NAV2: variants seen among roughly 807,000 people sequenced by gnomAD.
NAV2 encodes the protein neuron navigator 2.
NAV2 carries 54 observed loss-of-function variants against 223.2 expected under a neutral mutation model. The ratio of observed to expected loss-of-function variants is 0.24; its 90% CI spans 0.19 to 0.30. The LOEUF (loss-of-function observed/expected upper bound fraction) is 0.30. Ranked by LOEUF, NAV2 falls within the 10% of genes least tolerant of loss-of-function variation. NAV2 has a pLI of 1.00. For synonymous variants in NAV2, 1,279 were observed against 1,239.3 expected (o/e 1.03, Z -0.67); for missense variants, 2,806 against 3,147.5 (o/e 0.89, Z 2.60).
Position 19,933,038 on chromosome 11 carries a change from A to G in NAV2, c.932-138A>G. 1 of 1,071,368 alleles carries G rather than the reference A, an allele frequency of 9.3e-7. No homozygotes were observed. Among genetic ancestry groups the G allele is most frequent in the Non-Finnish European group, 1.3e-6 (1 of 784,444 alleles). The allele number at this position is 1,071,368 out of a possible 1,614,324, so 66.4% of individuals were successfully genotyped here. A position where few individuals can be genotyped will look rare whatever the true frequency, so the allele number is the denominator to read the frequency against. On this transcript the variant is annotated intron_variant, in intron 6 of 37. Transcript: ENST00000349880. The surrounding 1 kb of genome is among the most constrained non-coding windows in gnomAD (Gnocchi z 4.3). Reference sequence around the variant, plus strand: ...GCCAGAAATTAAAACCTAACCACAGATAATCCACAAAGTGGGCAATGGAGC... The same window carrying G: ...GCCAGAAATTAAAACCTAACCACAGGTAATCCACAAAGTGGGCAATGGAGC...
chr11:19,792,364 G>A (rs540938717), intron 1 of NAV2, among the ~76,000 whole-genome samples: 98 of 152,278 alleles, frequency 6.4e-4, no homozygotes, highest in African/African-American at 2.2e-3. Context: ...CCTGCCCTCC[G>A]AAGGATTTGG....
intron 5 of NAV2, chr11:19,884,342 G>A: frequency 6.2e-7 from 1 of 1,613,920 alleles, no homozygotes; most frequent in Non-Finnish European, 8.5e-7. Context: ...GCTTCACTCT[G>A]GGTCAGAAAA....
At chr11:19,487,037 G>C (rs2042466838) in intron 1 of NAV2, among the ~76,000 whole-genome samples, 1 of 152,148 alleles carries the variant, frequency 6.6e-6, no homozygotes, top group African/African-American at 2.4e-5. Flanking sequence ...TGGGGCTAAA[G>C]ACCAAAGAAT....
chr11:19,671,975 CA>C (rs1240804956), intron 1 of NAV2, among the ~76,000 whole-genome samples: 57 of 152,314 alleles, frequency 3.7e-4, no homozygotes, highest in African/African-American at 1.3e-3. Context: ...GAGACATTCA[CA>C]GACAGGCCAT....
In NAV2 at chr11:19,735,675, G is replaced by A. The variant is rs11025227; in HGVS notation, c.267+21713G>A. Among the ~76,000 whole-genome samples, 25 of 152,328 alleles carry A rather than the reference G, an allele frequency of 1.6e-4. No individual in the cohort carries two copies. In the East Asian group the frequency reaches 4.8e-3, roughly 29 times the overall value. ...TTTGAAACCATTCCTCCTGCATGAT[G>A]CATGAAATTTTAATAACCTGCCGAC... On this transcript the variant is annotated intron_variant, in intron 1 of 37. Transcript: ENST00000349880.
intron 1 of NAV2, among the ~76,000 whole-genome samples, chr11:19,751,145 C>T (rs2053776015): frequency 6.6e-6 from 1 of 152,164 alleles, no homozygotes; most frequent in South Asian, 2.1e-4. Flanking sequence ...ATCCCCTTTC[C>T]TCCCAAAGAA....
intron 27 of NAV2, 109 bp downstream of exon 27, chr11:20,091,127 C>A: frequency 8.5e-7 from 1 of 1,178,096 alleles, no homozygotes. Flanking sequence ...TGGCGGCCCT[C>A]GCTTTCCCAG....
At chr11:19,519,640 G>C (rs1443533226) in intron 1 of NAV2, 1 of 152,258 alleles carries the variant, frequency 6.6e-6, no homozygotes, top group African/African-American at 2.4e-5. Flanking sequence ...CAGGAAGGCT[G>C]CCCCTGCCTT....
At chr11:19,674,155 T>C (rs527361850) in intron 1 of NAV2, among the ~76,000 whole-genome samples, 1 of 152,338 alleles carries the variant, frequency 6.6e-6, no homozygotes, top group East Asian at 1.9e-4. Context: ...TCTCTCCTGC[T>C]GGCCCCAACT....
chr11:19,893,142 A>AT (rs5790098), intron 6 of NAV2, among the ~76,000 whole-genome samples: 9 of 146,994 alleles, frequency 6.1e-5, no homozygotes, highest in African/African-American at 1.5e-4. Context: ...AAGGATATGG[A>AT]TTTTTTTTTT....
intron 1 of NAV2, among the ~76,000 whole-genome samples, chr11:19,782,427 A>T (rs2152685213): frequency 6.6e-6 from 1 of 152,326 alleles, no homozygotes; most frequent in Non-Finnish European, 1.5e-5. Flanking sequence ...TTTTGTGTTA[A>T]TAGAGAAGTA....
intron 1 of NAV2, among the ~76,000 whole-genome samples, chr11:19,685,918 G>A (rs1303830305): frequency 6.6e-6 from 1 of 152,134 alleles, no homozygotes; most frequent in East Asian, 1.9e-4. Flanking sequence ...TTTTCTAAAA[G>A]GCAAATCTCA....
chr11:20,011,976 A>G (rs750694860), intron 11 of NAV2, among the ~76,000 whole-genome samples: 1 of 152,206 alleles, frequency 6.6e-6, no homozygotes, highest in Non-Finnish European at 1.5e-5. Context: ...TATAATTCTG[A>G]CATTTGTGTG....
intron 6 of NAV2, among the ~76,000 whole-genome samples, chr11:19,911,046 T>TTC (rs2043269759): frequency 6.6e-6 from 1 of 151,704 alleles, no homozygotes; most frequent in African/African-American, 2.4e-5. Flanking sequence ...TTTTTTTTTT[T>TTC]TTTTGGTCTT....
At chr11:19,543,012 A>G (rs903295810) in intron 1 of NAV2, among the ~76,000 whole-genome samples, 1 of 152,240 alleles carries the variant, frequency 6.6e-6, no homozygotes, top group African/African-American at 2.4e-5. Flanking sequence ...CAATCACCTA[A>G]GTGTGAGAAC....
upstream of NAV2, among the ~76,000 whole-genome samples, chr11:19,346,076 C>T (rs1290908384): frequency 6.6e-6 from 1 of 152,028 alleles, no homozygotes; most frequent in Non-Finnish European, 1.5e-5. Context: ...TCTATGAGCG[C>T]GTGTGTTTTC....
intron 1 of NAV2, among the ~76,000 whole-genome samples, chr11:19,655,542 C>G (rs888536353): frequency 6.6e-6 from 1 of 152,012 alleles, no homozygotes. Context: ...CACATATACA[C>G]CATGGAATAC....
At chr11:19,999,795 G>A (rs2052362851) in intron 11 of NAV2, among the ~76,000 whole-genome samples, 2 of 152,208 alleles carry the variant, frequency 1.3e-5, no homozygotes, top group Admixed American at 1.3e-4. Flanking sequence ...AAGATTAAAT[G>A]AGACAGTGCC....
At chr11:19,760,269 C>A (rs548028550) in intron 1 of NAV2, among the ~76,000 whole-genome samples, 4 of 152,310 alleles carry the variant, frequency 2.6e-5, no homozygotes, top group Admixed American at 1.3e-4. Context: ...TTCTAGGACC[C>A]TGTCCTTTAC....
Sources: allele counts gnomAD v4.1 joint callset (sites outside exome capture counted in the v4.1 genomes callset), GRCh38; gene constraint gnomAD v4.1.1; non-coding constraint Gnocchi (gnomAD v3.1); transcripts MANE v1.5; gene names NCBI Gene and HGNC (gene_info 2026-07-23, HGNC 2026-07-21).